The following POMP variants were observed in gnomAD, a reference collection of about 807,000 sequenced individuals.
POMP encodes proteasome maturation protein, also known as 2510048O06Rik.
A neutral mutation model predicts 20.6 loss-of-function variants in POMP; 12 were observed. The ratio of observed to expected loss-of-function variants is 0.58; its 90% CI spans 0.37 to 0.94. The LOEUF is 0.94. Among genes scored for constraint, POMP ranks in the 40% least tolerant of loss-of-function variants. The pLI, the probability that POMP is intolerant of heterozygous loss-of-function variation, is 0.01. For missense variants in POMP, 136 were observed against 161.1 expected, an observed-to-expected ratio of 0.84 and a Z score of 0.84; for synonymous variants, 53 against 55.0, an observed-to-expected ratio of 0.96 and a Z score of 0.16.
At chr13:28,672,567 A>C in intron 5 of POMP, 135 bp downstream of exon 5, 2 of 744,256 alleles carry the variant, frequency 2.7e-6, no homozygotes, top group Non-Finnish European at 4.8e-6. Context: ...GCATTAAGAT[A>C]AAGTTTAATG....
At chr13:28,670,888 A>C (rs1012323603) in intron 4 of POMP, among the ~76,000 whole-genome samples, 1 of 152,126 alleles carries the variant, frequency 6.6e-6, no homozygotes, top group Admixed American at 6.6e-5. Flanking sequence ...CTCTACTAAA[A>C]ATACAAAAAT....
At chr13:28,677,267 T>C (rs896445091) in intron 5 of POMP, among the ~76,000 whole-genome samples, 8 of 152,256 alleles carry the variant, frequency 5.3e-5, no homozygotes, top group Admixed American at 4.6e-4. Context: ...ATCTCCAGTC[T>C]CTTAGGAGGT....
At chr13:28,663,154 A>G (rs1317511347) in intron 2 of POMP, among the ~76,000 whole-genome samples, 2 of 151,746 alleles carry the variant, frequency 1.3e-5, no homozygotes, top group Admixed American at 1.3e-4. Flanking sequence ...TTGTTTCTGT[A>G]TGTTTAGGTC....
chr13:28,672,748 GA>G (rs1257634211), intron 5 of POMP, among the ~76,000 whole-genome samples: 1 of 151,750 alleles, frequency 6.6e-6, no homozygotes, highest in East Asian at 1.9e-4. Context: ...AATATAAAAA[GA>G]AAAAAAGTGA....
intron 1 of POMP, 111 bp from the exon 2 acceptor site, chr13:28,662,298 TG>T (rs1481092105): frequency 5.5e-6 from 4 of 724,386 alleles, no homozygotes; most frequent in Admixed American, 2.4e-5. Flanking sequence ...CTGGACTTTT[TG>T]AGGGCCTCTT....
At chr13:28,673,699 A>T (rs1033214612) in intron 5 of POMP, among the ~76,000 whole-genome samples, 1 of 152,218 alleles carries the variant, frequency 6.6e-6, no homozygotes, top group Non-Finnish European at 1.5e-5. Flanking sequence ...TTTACATTGA[A>T]CTTAGACCTT....
rs1481005427 is a variant in POMP at position 28,678,499 on chromosome 13, T to G, written c.*397T>G. On this transcript the variant is annotated 3_prime_UTR_variant, in exon 6 of 6. Coordinates refer to ENST00000380842, the MANE Select transcript of POMP (RefSeq NM_015932.6). ...TCAGAATAAACATTTTTAATTGATTTCAGTGGCAACTCTCAAATTGATTAC... is the reference window on the plus strand; with the variant it reads ...TCAGAATAAACATTTTTAATTGATTGCAGTGGCAACTCTCAAATTGATTAC... 1 of 215,642 alleles carries G rather than the reference T, an allele frequency of 4.6e-6. No individual in the cohort carries two copies. Among genetic ancestry groups the G allele is most frequent in the Non-Finnish European group, 9.4e-6 (1 of 106,416 alleles). 13.4% of individuals were successfully genotyped at this position (215,642 alleles called of 1,614,324 possible).
intron 1 of POMP, among the ~76,000 whole-genome samples, chr13:28,660,938 T>C (rs933229097): frequency 6.6e-6 from 1 of 152,188 alleles, no homozygotes; most frequent in African/African-American, 2.4e-5. Context: ...GTTGAAGTTA[T>C]CCATGTGTGA....
At chr13:28,677,992 T>TA in intron 5 of POMP, 43 bp from the exon 6 acceptor site, 1 of 1,579,884 alleles carries the variant, frequency 6.3e-7, no homozygotes, top group Non-Finnish European at 8.7e-7. Context: ...ATGTATCTCT[T>TA]TTTTGAGAGT....
intron 2 of POMP, 150 bp downstream of exon 2, chr13:28,662,657 G>T: frequency 1.5e-6 from 1 of 686,548 alleles, no homozygotes; most frequent in Non-Finnish European, 2.5e-6. Flanking sequence ...AAGAGGCTTA[G>T]ATATTTTCTG....
chr13:28,667,569 C>T (rs539772704), intron 3 of POMP, among the ~76,000 whole-genome samples: 2 of 152,284 alleles, frequency 1.3e-5, no homozygotes, highest in East Asian at 3.9e-4. Flanking sequence ...AGTCACCTTA[C>T]TTTCAAACTT....
At chr13:28,670,162 A>T (rs1197502424) in intron 4 of POMP, among the ~76,000 whole-genome samples, 1 of 152,114 alleles carries the variant, frequency 6.6e-6, no homozygotes, top group Non-Finnish European at 1.5e-5. Context: ...TGAGCTATAA[A>T]CCTATAGGCT....
chr13:28,670,739 A>G (rs1202614936), intron 4 of POMP, among the ~76,000 whole-genome samples: 2 of 152,100 alleles, frequency 1.3e-5, no homozygotes, highest in African/African-American at 4.8e-5. Context: ...ACCTAGCTAA[A>G]TTGTCTTTTT....
chr13:28,664,574 GTATA>G lies in POMP; in HGVS notation c.162+7_162+10del. 6.8e-7 allele frequency: 1 copy of G among 1,473,956 alleles called. No individual in the cohort carries two copies. The highest frequency in any genetic ancestry group is 2.3e-5 in the East Asian group (1 of 43,984). 91.3% of individuals were successfully genotyped at this position (1,473,956 alleles called of 1,614,324 possible). ...CTTGAATTATCAGAAAAAAATGTAA[GTATA>G]TTATTATGTCCTTATTTTTATCTTC... On this transcript the variant is annotated splice_donor_region_variant and intron_variant, in intron 3 of 5. Coordinates refer to ENST00000380842, the MANE Select transcript of POMP (RefSeq NM_015932.6).
chr13:28,675,805 G>C (rs958414175), intron 5 of POMP, among the ~76,000 whole-genome samples: 1 of 152,106 alleles, frequency 6.6e-6, no homozygotes, highest in Admixed American at 6.5e-5. Flanking sequence ...GCTTACAATC[G>C]TGGCAGAAGA....
At chr13:28,665,177 G>T (rs1285530501) in intron 3 of POMP, among the ~76,000 whole-genome samples, 2 of 152,130 alleles carry the variant, frequency 1.3e-5, no homozygotes, top group Admixed American at 6.5e-5. Flanking sequence ...CTAAAGAGAG[G>T]ATAGCATGTA....
chr13:28,673,226 A>T (rs1884581329), intron 5 of POMP, among the ~76,000 whole-genome samples: 1 of 151,862 alleles, frequency 6.6e-6, no homozygotes, highest in Non-Finnish European at 1.5e-5. Context: ...ACCCATCACC[A>T]CACCCGGCTA....
Position 28,659,130 on chromosome 13 carries a change from G to T in POMP, c.-55G>T. On this transcript the variant is annotated 5_prime_UTR_variant, in exon 1 of 6. Transcript: ENST00000380842. ...CCAGCCCTCGGAAACGGAAGTGAGCGGCGGGGTCGACTGACGGTAACGGGG... is the reference window on the plus strand; with the variant it reads ...CCAGCCCTCGGAAACGGAAGTGAGCTGCGGGGTCGACTGACGGTAACGGGG... 1.3e-6 allele frequency: 2 copies of T among 1,570,000 alleles called. No homozygotes were observed. The highest frequency in any genetic ancestry group is 1.7e-6 in the Non-Finnish European group (2 of 1,158,014).
chr13:28,671,504 A>G (rs541727473), intron 4 of POMP, among the ~76,000 whole-genome samples: 67 of 150,188 alleles, frequency 4.5e-4, no homozygotes, highest in African/African-American at 1.3e-3. Flanking sequence ...GTCAAGATGT[A>G]TAACAGCTGC....
Sources: allele counts gnomAD v4.1 joint callset (sites outside exome capture counted in the v4.1 genomes callset), GRCh38; gene constraint gnomAD v4.1.1; transcripts MANE v1.5; gene names NCBI Gene and HGNC (gene_info 2026-07-23, HGNC 2026-07-21).